The following SORL1 variants were observed in gnomAD, a reference collection of about 807,000 sequenced individuals.
SORL1 encodes the protein sortilin-related receptor.
In SORL1, 127 loss-of-function variants were observed where a neutral mutation model predicts 273.7. The ratio of observed to expected loss-of-function variants is 0.46; its 90% CI spans 0.40 to 0.54. The LOEUF is 0.54. SORL1 is among the 20% of genes least tolerant of loss of function. SORL1 has a pLI of 0.00. For synonymous variants in SORL1, 1,031 were observed against 1,067.4 expected (o/e 0.97, Z 0.66); for missense variants, 2,494 against 2,846.1 (o/e 0.88, Z 2.81).
At position 121,588,075 on chromosome 11, in the gene SORL1, G is replaced by A; in HGVS notation, c.3870G>A (p.Leu1290=). ...TGTGTAAGAACCGCCAGCAGTGCCT[G>A]TTCCACTCCATGGTCTGTGACGGAA... is the stretch of plus-strand genomic sequence containing the variant. ...DFVCKNRQQC[L]FHSMVCDGII... Residue 1290 remains leucine (L), a synonymous_variant, in exon 28 of 48, where the codon CTG becomes CTA. Coordinates refer to ENST00000260197, the MANE Select transcript of SORL1 (RefSeq NM_003105.6). 6.2e-7 allele frequency: 1 copy of A among 1,613,936 alleles called. No homozygotes were observed. Among genetic ancestry groups the A allele is most frequent in the Non-Finnish European group, 8.5e-7 (1 of 1,179,890 alleles).
Position 121,591,020 on chromosome 11 carries a change from C to T in SORL1, c.4233C>T (p.Phe1411=), listed in dbSNP as rs779932248. 17 of 1,614,248 alleles carry T rather than the reference C, an allele frequency of 1.1e-5. 2 individuals carry two copies. The highest frequency in any genetic ancestry group is 6.7e-5 in the East Asian group (3 of 44,882). ...TCTCAGATTCACATATTCTTCCCTT[C>T]TCGACTCCTGGGCCCTCCACGTGTC... ...KDCGDSHILP[F]STPGPSTCLP... is the part of the protein sequence containing the mutation. The change falls in exon 31 of 48, where the codon TTC becomes TTT. Residue 1411 remains phenylalanine (F), a synonymous_variant. Transcript: ENST00000260197.
At chr11:121,590,794 C>T (rs771143984) in intron 30 of SORL1, 1 of 766,284 alleles carries the variant, frequency 1.3e-6, no homozygotes, top group Non-Finnish European at 2.4e-6. Context: ...GAAATCTACT[C>T]CCCAAAAGGG....
chr11:121,621,562 A>G (rs1863723821), intron 44 of SORL1, among the ~76,000 whole-genome samples: 2 of 152,220 alleles, frequency 1.3e-5, no homozygotes. Flanking sequence ...AGTTGCCACT[A>G]AGACCAAGTG....
intron 4 of SORL1, among the ~76,000 whole-genome samples, chr11:121,489,593 T>G (rs1861521584): frequency 6.6e-6 from 1 of 152,250 alleles, no homozygotes; most frequent in Non-Finnish European, 1.5e-5. Context: ...ATTGTATGCA[T>G]AGACCACATT....
In SORL1 at chr11:121,550,171, T is replaced by C; in HGVS notation, c.2180+83T>C. 7.2e-7 allele frequency: 1 copy of C among 1,389,884 alleles called. No homozygotes were observed. 86.1% of individuals were successfully genotyped at this position (1,389,884 alleles called of 1,614,324 possible). The stretch of plus-strand genomic sequence containing the variant: ...GAGCATAGAGGACCGTCTGGATTGC[T>C]CTACACTCGAAATTCTAGAATTCCA... On this transcript the variant is annotated intron_variant, in intron 15 of 47. Coordinates refer to ENST00000260197, the MANE Select transcript of SORL1 (RefSeq NM_003105.6). The surrounding 1 kb of genome is among the most constrained non-coding windows in gnomAD (Gnocchi z 5.3).
chr11:121,605,134 T>C lies in SORL1; in HGVS notation c.4673T>C (p.Val1558Ala). The C allele has an allele frequency of 6.2e-7, 1 of 1,613,092 alleles. No individual in the cohort carries two copies. The highest frequency in any genetic ancestry group is 8.5e-7 in the Non-Finnish European group (1 of 1,179,436). The change falls in exon 34 of 48, where the codon GTA becomes GCA. Residue 1558 changes from valine to alanine, a missense_variant. Val to Ala is a moderately conservative substitution (Grantham distance 64). Coordinates refer to ENST00000260197, the MANE Select transcript of SORL1 (RefSeq NM_003105.6). ...ACSDELTVYK[V>A]QNLQWTADFS... ...CTAGATGAGTTGACTGTGTACAAAGTACAGAATCTTCAGTGGACAGCTGAC... is the reference window on the plus strand; with the variant it reads ...CTAGATGAGTTGACTGTGTACAAAGCACAGAATCTTCAGTGGACAGCTGAC...
At chr11:121,457,537 C>T (rs1009361274) in intron 1 of SORL1, among the ~76,000 whole-genome samples, 10 of 152,196 alleles carry the variant, frequency 6.6e-5, no homozygotes, top group African/African-American at 2.4e-4. Context: ...ATGAGATTAA[C>T]TTTAGCTCTA....
At chr11:121,481,291 G>A (rs1342205125) in intron 3 of SORL1, among the ~76,000 whole-genome samples, 1 of 119,494 alleles carries the variant, frequency 8.4e-6, no homozygotes, top group Non-Finnish European at 1.7e-5. Context: ...CTATAGGCAG[G>A]CTCCATCTCC....
chr11:121,481,955 T>C (rs551733996), intron 3 of SORL1, among the ~76,000 whole-genome samples: 1 of 152,136 alleles, frequency 6.6e-6, no homozygotes, highest in South Asian at 2.1e-4. Flanking sequence ...CCTCCCGAGC[T>C]CCTCCCCTAG....
At chr11:121,479,642 C>A (rs1279239745) in intron 3 of SORL1, among the ~76,000 whole-genome samples, 3 of 152,084 alleles carry the variant, frequency 2.0e-5, no homozygotes, top group African/African-American at 7.2e-5. Flanking sequence ...TCAGGGAGAT[C>A]CTGGGGAAGG....
At chr11:121,574,208 T>C (rs1345966099) in intron 23 of SORL1, 33 bp from the exon 24 acceptor site, 15 of 1,609,854 alleles carry the variant, frequency 9.3e-6, no homozygotes, top group African/African-American at 1.3e-5. Context: ...CAATTGTACC[T>C]AAGGAATATG....
chr11:121,465,652 C>T (rs1025852669), intron 1 of SORL1, among the ~76,000 whole-genome samples: 5 of 152,110 alleles, frequency 3.3e-5, no homozygotes, highest in African/African-American at 9.7e-5. Flanking sequence ...CTCAGCTTCC[C>T]GAGTAGCTGG....
intron 45 of SORL1, among the ~76,000 whole-genome samples, chr11:121,624,658 C>T (rs1347135691): frequency 1.3e-5 from 2 of 152,156 alleles, no homozygotes; most frequent in African/African-American, 4.8e-5. Flanking sequence ...ATTGCAAGTT[C>T]TCCTTTCTCA....
At chr11:121,600,500 A>G (rs1863372462) in intron 32 of SORL1, among the ~76,000 whole-genome samples, 1 of 152,236 alleles carries the variant, frequency 6.6e-6, no homozygotes, top group African/African-American at 2.4e-5. Flanking sequence ...CGAATAAGCA[A>G]CCACATAATA....
chr11:121,609,529 A>T (rs887576034), intron 38 of SORL1: 1 of 152,192 alleles, frequency 6.6e-6, no homozygotes. Context: ...ATCTCAGTGG[A>T]TGGTTGGTTC....
intron 2 of SORL1, among the ~76,000 whole-genome samples, chr11:121,470,339 A>G (rs1861148961): frequency 6.6e-6 from 1 of 152,236 alleles, no homozygotes; most frequent in Non-Finnish European, 1.5e-5. Flanking sequence ...GCAATGTGTG[A>G]TTACCTTTGG....
intron 1 of SORL1, among the ~76,000 whole-genome samples, chr11:121,460,685 C>T (rs933996092): frequency 1.3e-5 from 2 of 152,058 alleles, no homozygotes; most frequent in Non-Finnish European, 2.9e-5. Context: ...TGTGAGCCAC[C>T]GTGCCTGGCC....
chr11:121,619,117 G>C (rs1247831082), intron 42 of SORL1, among the ~76,000 whole-genome samples: 1 of 152,170 alleles, frequency 6.6e-6, no homozygotes, highest in African/African-American at 2.4e-5. Context: ...CTGATAACTT[G>C]GCAGATGATC....
At chr11:121,609,119 C>T (rs1863522157) in intron 38 of SORL1, 2 of 152,262 alleles carry the variant, frequency 1.3e-5, no homozygotes, top group East Asian at 3.8e-4. Flanking sequence ...AGCCTTGACA[C>T]TGGGGACTTG....
Sources: allele counts gnomAD v4.1 joint callset (sites outside exome capture counted in the v4.1 genomes callset), GRCh38; gene constraint gnomAD v4.1.1; non-coding constraint Gnocchi (gnomAD v3.1); transcripts MANE v1.5; gene names NCBI Gene and HGNC (gene_info 2026-07-23, HGNC 2026-07-21).